ZNF664: variants seen among roughly 807,000 people sequenced by gnomAD.
The protein encoded by ZNF664 is zinc finger protein 664, also known as zinc finger Organ of Corti 1.
In ZNF664, 10 loss-of-function variants were observed where a neutral mutation model predicts 18.2. That is an observed-to-expected ratio of 0.55 (90% CI 0.34 to 0.93). ZNF664 has a LOEUF of 0.93. Among genes scored for constraint, ZNF664 ranks in the 40% least tolerant of loss-of-function variants. ZNF664 has a pLI of 0.02. For missense variants in ZNF664, 193 were observed against 319.0 expected, an observed-to-expected ratio of 0.61 and a Z score of 3.01; for synonymous variants, 119 against 104.2, an observed-to-expected ratio of 1.14 and a Z score of -0.86.
intron 2 of ZNF664, among the ~76,000 whole-genome samples, chr12:123,984,917 G>A (rs575263291): frequency 6.9e-4 from 105 of 152,240 alleles, no homozygotes; most frequent in Admixed American, 4.6e-4. Flanking sequence ...ATAGGCATGT[G>A]AGATGGCAGA....
At chr12:124,005,293 C>T (rs549539516) in intron 3 of ZNF664, among the ~76,000 whole-genome samples, 1 of 152,320 alleles carries the variant, frequency 6.6e-6, no homozygotes, top group South Asian at 2.1e-4. Context: ...TTTTTGTTCA[C>T]ACAAGAAGCC....
intron 3 of ZNF664, among the ~76,000 whole-genome samples, chr12:124,005,480 AGAAT>A (rs1432333092): frequency 9.5e-6 from 1 of 105,260 alleles, no homozygotes; most frequent in African/African-American, 4.1e-5. Flanking sequence ...GATAATTTAT[AGAAT>A]GTGTGTGTGT....
Position 124,011,729 on chromosome 12 carries a change from C to A in ZNF664, c.-416C>A. 1 of 1,013,282 alleles carries A rather than the reference C, an allele frequency of 9.9e-7. No individual in the cohort carries two copies. Among genetic ancestry groups the A allele is most frequent in the Non-Finnish European group, 1.2e-6 (1 of 850,524 alleles). The allele number at this position is 1,013,282 out of a possible 1,614,324, so 62.8% of individuals were successfully genotyped here. On this transcript the variant is annotated 5_prime_UTR_variant, in exon 5 of 5. Coordinates refer to ENST00000337815, the MANE Select transcript of ZNF664 (RefSeq NM_152437.3). ...GCCAGCAGTATCTCATCCTTCGATACAGGGGATATACTGTACAGTCCTTTT... is the reference window on the plus strand; with the variant it reads ...GCCAGCAGTATCTCATCCTTCGATAAAGGGGATATACTGTACAGTCCTTTT...
chr12:123,981,116 A>G (rs1956760250), intron 2 of ZNF664, among the ~76,000 whole-genome samples: 1 of 152,182 alleles, frequency 6.6e-6, no homozygotes, highest in African/African-American at 2.4e-5. Flanking sequence ...AGGGAAGATG[A>G]TGGTGGCTTG....
In ZNF664 at chr12:124,011,956, G is replaced by T; in HGVS notation, c.-189G>T. On this transcript the variant is annotated 5_prime_UTR_variant, in exon 5 of 5. An upstream start codon of the reference 5' UTR is lost. Transcript: ENST00000337815. ...AATAATACTGAGTGAGGAACACTAT[G>T]CAGGAAGAAACCTTCCGTAGAAAGA... The T allele has an allele frequency of 2.1e-6, 3 of 1,421,052 alleles. No homozygotes were observed. Among genetic ancestry groups the T allele is most frequent in the Non-Finnish European group, 2.7e-6 (3 of 1,096,148 alleles). 88.0% of individuals were successfully genotyped at this position (1,421,052 alleles called of 1,614,324 possible).
At chr12:123,975,225 A>T (rs1265945538) in intron 2 of ZNF664, among the ~76,000 whole-genome samples, 1 of 152,130 alleles carries the variant, frequency 6.6e-6, no homozygotes, top group East Asian at 1.9e-4. Flanking sequence ...TCCAAAAATT[A>T]TTTGCAATAT....
chr12:124,012,212 A>G lies in ZNF664; in HGVS notation c.68A>G (p.Lys23Arg). The G allele has an allele frequency of 1.2e-6, 2 of 1,613,990 alleles. No individual in the cohort carries two copies. The highest frequency in any genetic ancestry group is 2.2e-5 in the South Asian group (2 of 90,972). ...AGAGCAGATCTTTTTATGCATCAGA[A>G]AATTCACACAGCTGAGAAGCCCCAT... is the stretch of plus-strand genomic sequence containing the variant. Reference protein sequence around the residue: ...SERADLFMHQKIHTAEKPHKC... With the variant: ...SERADLFMHQRIHTAEKPHKC... The change falls in exon 5 of 5, where the codon AAA (lysine) becomes AGA (arginine). Residue 23 changes from lysine (K) to arginine (R), a missense_variant. This residue lies in a region of ZNF664 where 90 missense variants were observed against 118.9 expected (regional missense o/e 0.76). Coordinates refer to ENST00000337815, the MANE Select transcript of ZNF664 (RefSeq NM_152437.3).
intron 3 of ZNF664, among the ~76,000 whole-genome samples, chr12:123,995,235 G>A (rs1461921879): frequency 1.3e-5 from 2 of 152,088 alleles, no homozygotes; most frequent in Non-Finnish European, 2.9e-5. Context: ...GAGTCAAGTA[G>A]GCTTTAAAAA....
intron 3 of ZNF664, among the ~76,000 whole-genome samples, chr12:123,998,000 AT>A (rs1363692986): frequency 1.3e-5 from 2 of 152,176 alleles, no homozygotes; most frequent in Non-Finnish European, 2.9e-5. Flanking sequence ...GGGAAACTGC[AT>A]TGGATAGGGA....
rs529723582 is a variant in ZNF664 at position 124,014,903 on chromosome 12, A to T, written c.*1973A>T. ...CATCTCTGCTAACAAGCCTTTGGTA[A>T]GTCACTTCAGATACTTTTCCTCCTT... is the stretch of plus-strand genomic sequence containing the variant. On this transcript the variant is annotated 3_prime_UTR_variant, in exon 5 of 5. Transcript: ENST00000337815. 3 of 167,194 alleles carry T rather than the reference A, an allele frequency of 1.8e-5. No homozygotes were observed. The South Asian group carries it at 6.2e-4, about 35-fold the overall frequency. 10.4% of individuals were successfully genotyped at this position (167,194 alleles called of 1,614,324 possible). A position where few individuals can be genotyped will look rare whatever the true frequency, so the allele number is the denominator to read the frequency against.
chr12:123,997,942 A>T (rs1395944547), intron 3 of ZNF664: 1 of 152,178 alleles, frequency 6.6e-6, no homozygotes, highest in Admixed American at 6.5e-5. Context: ...TGAAGGAAAA[A>T]ATACGTGTTA....
chr12:124,000,805 C>T (rs1224706273), intron 3 of ZNF664, among the ~76,000 whole-genome samples: 2 of 152,154 alleles, frequency 1.3e-5, no homozygotes, highest in African/African-American at 4.8e-5. Flanking sequence ...TGTTGGTCTC[C>T]TGTAGCTTAG....
chr12:123,973,245 G>C lies in ZNF664; in HGVS notation c.-999G>C, dbSNP rs1320991409. ...GTCCCCCGGAGGCGTCTGGGTGTGC[G>C]GAGCGCGCGCGCGCGCGGCTCGGAG... On this transcript the variant is annotated 5_prime_UTR_variant, in exon 1 of 5. Transcript: ENST00000337815. 2.0e-6 allele frequency: 2 copies of C among 992,002 alleles called. No homozygotes were observed. The highest frequency in any genetic ancestry group is 2.3e-4 in the East Asian group (2 of 8,618). The allele number at this position is 992,002 out of a possible 1,614,324, so 61.4% of individuals were successfully genotyped here. A position where few individuals can be genotyped will look rare whatever the true frequency, so the allele number is the denominator to read the frequency against.
In ZNF664 at chr12:123,978,251, C is replaced by G. The variant is rs549303783; in HGVS notation, c.-757+4231C>G. Among the ~76,000 whole-genome samples the G allele has an allele frequency of 1.1e-4, 17 of 151,814 alleles. No individual in the cohort carries two copies. In the South Asian group the frequency reaches 3.5e-3, roughly 32 times the overall value. On this transcript the variant is annotated intron_variant, in intron 2 of 4. Transcript: ENST00000337815. ...GTTAGTATTTTCAATATGCAAAGAACTCATCCAAATTGGTGAAGAAAATAA... is the reference window on the plus strand; with the variant it reads ...GTTAGTATTTTCAATATGCAAAGAAGTCATCCAAATTGGTGAAGAAAATAA...
In ZNF664 at chr12:124,011,637, G is replaced by T; in HGVS notation, c.-508G>T. On this transcript the variant is annotated 5_prime_UTR_variant, in exon 5 of 5. Coordinates refer to ENST00000337815, the MANE Select transcript of ZNF664 (RefSeq NM_152437.3). ...GCCTGCTTGCTGGAAAGGCTTTCCT[G>T]TCTGATGTGCAGGAGGCAGAATGCC... 1 of 1,006,182 alleles carries T rather than the reference G, an allele frequency of 9.9e-7. No individual in the cohort carries two copies. Among genetic ancestry groups the T allele is most frequent in the Non-Finnish European group, 1.2e-6 (1 of 846,272 alleles). 62.3% of individuals were successfully genotyped at this position (1,006,182 alleles called of 1,614,324 possible).
intron 3 of ZNF664, among the ~76,000 whole-genome samples, chr12:123,992,057 CA>C (rs539857067): frequency 1.4e-4 from 22 of 152,166 alleles, no homozygotes; most frequent in Non-Finnish European, 2.4e-4. Flanking sequence ...CCCTATAGCT[CA>C]TTAAAACCCA....
chr12:124,011,360 T>C (rs1400803868), intron 3 of ZNF664, 21 bp from the exon 4 acceptor site: 5 of 803,232 alleles, frequency 6.2e-6, no homozygotes, highest in Non-Finnish European at 6.0e-6. Context: ...GAGCATGATA[T>C]CTACAAATTC....
intron 2 of ZNF664, among the ~76,000 whole-genome samples, chr12:123,979,859 T>C (rs1322453929): frequency 6.6e-6 from 1 of 152,166 alleles, no homozygotes; most frequent in Non-Finnish European, 1.5e-5. Flanking sequence ...TTTTTAAATT[T>C]TTTTTGTAGA....
intron 3 of ZNF664, among the ~76,000 whole-genome samples, chr12:123,989,730 C>T (rs886160827): frequency 6.6e-6 from 1 of 152,196 alleles, no homozygotes; most frequent in East Asian, 1.9e-4. Context: ...TAATAACATA[C>T]ATTTTCAGAA....
Sources: allele counts gnomAD v4.1 joint callset (sites outside exome capture counted in the v4.1 genomes callset), GRCh38; gene constraint gnomAD v4.1.1; regional missense constraint gnomAD v4.1.1; transcripts MANE v1.5; gene names NCBI Gene and HGNC (gene_info 2026-07-23, HGNC 2026-07-21).